ERBB4: variants seen among roughly 807,000 people sequenced by gnomAD.
ERBB4 encodes the protein erb-b2 receptor tyrosine kinase 4.
In ERBB4, 42 loss-of-function variants were observed where a neutral mutation model predicts 158.0. That is an observed-to-expected ratio of 0.27 (90% CI 0.21 to 0.34). The LOEUF (loss-of-function observed/expected upper bound fraction) is 0.34. Among genes scored for constraint, ERBB4 ranks in the 10% least tolerant of loss-of-function variants. The pLI, the probability that ERBB4 is intolerant of heterozygous loss-of-function variation, is 1.00. For missense variants in ERBB4, 1,333 were observed against 1,624.1 expected, an observed-to-expected ratio of 0.82 and a Z score of 3.08; for synonymous variants, 583 against 558.7, an observed-to-expected ratio of 1.04 and a Z score of -0.61.
intron 1 of ERBB4, among the ~76,000 whole-genome samples, chr2:212,425,801 T>C (rs182620738): frequency 6.6e-6 from 1 of 152,088 alleles, no homozygotes; most frequent in African/African-American, 2.4e-5. Flanking sequence ...TAACATTTTC[T>C]TGCTAGTTGG....
chr2:211,435,935 A>G (rs989985526), intron 20 of ERBB4, among the ~76,000 whole-genome samples: 71 of 148,598 alleles, frequency 4.8e-4, no homozygotes, highest in African/African-American at 1.7e-3. Context: ...ATTAATGAAC[A>G]TAGTGGTCAT....
chr2:212,423,923 CA>C (rs1231273423), intron 1 of ERBB4, among the ~76,000 whole-genome samples: 1 of 152,006 alleles, frequency 6.6e-6, no homozygotes, highest in African/African-American at 2.4e-5. Context: ...TATTTTTTCC[CA>C]AATTCCCAAA....
intron 3 of ERBB4, among the ~76,000 whole-genome samples, chr2:211,896,503 GATTT>G (rs1196330945): frequency 2.6e-5 from 4 of 151,978 alleles, no homozygotes; most frequent in African/African-American, 9.6e-5. Flanking sequence ...CCTCCTCTCT[GATTT>G]TTTTATTACT....
At chr2:212,040,385 A>C (rs2125370673) in intron 2 of ERBB4, among the ~76,000 whole-genome samples, 1 of 151,930 alleles carries the variant, frequency 6.6e-6, no homozygotes, top group East Asian at 1.9e-4. Flanking sequence ...TATGTGGTTT[A>C]TTTCACCTTA....
intron 3 of ERBB4, among the ~76,000 whole-genome samples, chr2:211,884,230 G>C (rs1177584512): frequency 6.6e-6 from 1 of 152,030 alleles, no homozygotes. Flanking sequence ...TCTTGTTTCA[G>C]CTTATTTCTA....
chr2:212,464,306 A>C (rs1688718924), intron 1 of ERBB4, among the ~76,000 whole-genome samples: 1 of 152,130 alleles, frequency 6.6e-6, no homozygotes, highest in Non-Finnish European at 1.5e-5. Flanking sequence ...CTGTAAACAG[A>C]TTTATTTCTG....
At chr2:212,254,698 C>A (rs1241105753) in intron 1 of ERBB4, among the ~76,000 whole-genome samples, 1 of 152,128 alleles carries the variant, frequency 6.6e-6, no homozygotes, top group Non-Finnish European at 1.5e-5. Context: ...ACTTCCTAAC[C>A]TGCTTTCACA....
intron 2 of ERBB4, among the ~76,000 whole-genome samples, chr2:212,099,799 C>T (rs1477547088): frequency 6.7e-6 from 1 of 150,228 alleles, no homozygotes; most frequent in African/African-American, 2.5e-5. Context: ...CTCTCTCTCT[C>T]CCTCTCTCTT....
intron 19 of ERBB4, among the ~76,000 whole-genome samples, chr2:211,575,623 T>G (rs893871482): frequency 6.6e-6 from 1 of 152,206 alleles, no homozygotes; most frequent in African/African-American, 2.4e-5. Flanking sequence ...AGATATCTAC[T>G]CTGCTTTTAA....
At chr2:212,394,359 A>G (rs904771083) in intron 1 of ERBB4, among the ~76,000 whole-genome samples, 11 of 152,114 alleles carry the variant, frequency 7.2e-5, no homozygotes, top group Admixed American at 1.3e-4. Flanking sequence ...TTAATATTAT[A>G]ATGGTACTGT....
intron 20 of ERBB4, among the ~76,000 whole-genome samples, chr2:211,448,175 G>A (rs562163293): frequency 1.5e-3 from 230 of 152,062 alleles, no homozygotes; most frequent in Non-Finnish European, 2.8e-3. Flanking sequence ...GTTTCTCCAC[G>A]TTGGCCAGAC....
At chr2:212,425,215 T>G (rs961329532) in intron 1 of ERBB4, among the ~76,000 whole-genome samples, 1 of 150,672 alleles carries the variant, frequency 6.6e-6, no homozygotes, top group Non-Finnish European at 1.5e-5. Flanking sequence ...AACTTTAGTC[T>G]GACAATATTT....
intron 3 of ERBB4, among the ~76,000 whole-genome samples, chr2:211,901,815 C>T (rs2079242053): frequency 6.6e-6 from 1 of 152,028 alleles, no homozygotes; most frequent in Non-Finnish European, 1.5e-5. Context: ...AAGAATGCTG[C>T]ACCCATGAGC....
At chr2:211,853,240 T>TC (rs2077762085) in intron 3 of ERBB4, among the ~76,000 whole-genome samples, 3 of 142,958 alleles carry the variant, frequency 2.1e-5, no homozygotes. Context: ...CAGATCTTGC[T>TC]CTTTTTTTTT....
chr2:211,987,530 T>C (rs1235295700), intron 2 of ERBB4, among the ~76,000 whole-genome samples: 1 of 151,922 alleles, frequency 6.6e-6, no homozygotes, highest in Non-Finnish European at 1.5e-5. Context: ...GAGAGAAATT[T>C]AATGAAGGAA....
At position 212,135,535 on chromosome 2, in the gene ERBB4, AT is replaced by A. The variant is rs759333327; in HGVS notation, c.83-10633del. 5.3e-5 allele frequency among the ~76,000 whole-genome samples: 8 copies of A among 152,180 alleles called. No individual in the cohort carries two copies. The East Asian group carries it at 9.6e-4, about 18-fold the overall frequency. ...CCCTGTCTTCAAATATTTTTTCTTA[AT>A]TTTTATTTCATAACATTTCTATGTT... is the stretch of plus-strand genomic sequence containing the variant. On this transcript the variant is annotated intron_variant, in intron 1 of 27. Coordinates refer to ENST00000342788, the MANE Select transcript of ERBB4 (RefSeq NM_005235.3).
At chr2:212,110,074 G>T (rs532075901) in intron 2 of ERBB4, among the ~76,000 whole-genome samples, 1 of 152,256 alleles carries the variant, frequency 6.6e-6, no homozygotes, top group East Asian at 1.9e-4. Context: ...CTTCACAGGG[G>T]TAGTGAGAAT....
intron 3 of ERBB4, among the ~76,000 whole-genome samples, chr2:211,927,523 C>T (rs1385360020): frequency 6.6e-6 from 1 of 152,104 alleles, no homozygotes; most frequent in East Asian, 1.9e-4. Context: ...AAGGTTTCAT[C>T]TGCTGCCCTA....
At chr2:211,867,101 T>C (rs1474494999) in intron 3 of ERBB4, among the ~76,000 whole-genome samples, 2 of 146,412 alleles carry the variant, frequency 1.4e-5, no homozygotes, top group Non-Finnish European at 3.0e-5. Flanking sequence ...ATAAAAGTAA[T>C]CTGAACTATC....
Sources: allele counts gnomAD v4.1 joint callset (sites outside exome capture counted in the v4.1 genomes callset), GRCh38; gene constraint gnomAD v4.1.1; transcripts MANE v1.5; gene names NCBI Gene and HGNC (gene_info 2026-07-23, HGNC 2026-07-21).